Variants in NELL1 observed in about 807,000 individuals in gnomAD.
The protein encoded by NELL1 is protein kinase C-binding protein NELL1.
A neutral mutation model predicts 107.4 loss-of-function variants in NELL1; 76 were observed. That is an observed-to-expected ratio of 0.71 (90% confidence interval 0.59 to 0.86). The LOEUF (loss-of-function observed/expected upper bound fraction) is 0.86, where lower values mean the gene tolerates loss of function less well. Ranked by LOEUF, NELL1 falls within the 40% of genes least tolerant of loss-of-function variation. The probability of loss-of-function intolerance (pLI) is 0.00; values close to 1 mark genes in which losing one functional copy is unlikely to be tolerated. For missense variants in NELL1, 1,024 were observed against 1,005.5 expected (o/e 1.02, Z -0.25); for synonymous variants, 353 against 341.2 (o/e 1.03, Z -0.38).
chr11:20,930,102 A>C (rs1388212691), intron 9 of NELL1, among the ~76,000 whole-genome samples: 1 of 152,110 alleles, frequency 6.6e-6, no homozygotes, highest in African/African-American at 2.4e-5. Flanking sequence ...TTGGACATGG[A>C]AGTAATGAGT....
In NELL1 at chr11:21,274,717, A is replaced by G. The variant is rs562119477; in HGVS notation, c.1549+45263A>G. The stretch of plus-strand genomic sequence containing the variant: ...AAACTGTCTCTCAGGCCACAGTGCA[A>G]TCAAACTAGAACTCAGGATTAAGAA... On this transcript the variant is annotated intron_variant, in intron 14 of 19. Coordinates refer to ENST00000357134, the MANE Select transcript of NELL1 (RefSeq NM_006157.5). Among the ~76,000 whole-genome samples the G allele has an allele frequency of 3.9e-5, 6 of 152,316 alleles. No homozygotes were observed. The East Asian group carries it at 1.2e-3, about 29-fold the overall frequency.
intron 14 of NELL1, among the ~76,000 whole-genome samples, chr11:21,313,118 T>C (rs11026017): frequency 0.24 from 36,240 of 151,888 alleles, 5,324 homozygotes; most frequent in Middle Eastern, 0.39. Context: ...AGATCCCTTG[T>C]CAGCTGTCAT....
chr11:21,132,846 T>C (rs1855655170), intron 13 of NELL1, among the ~76,000 whole-genome samples: 1 of 152,154 alleles, frequency 6.6e-6, no homozygotes, highest in South Asian at 2.1e-4. Context: ...GCTCTTTCAG[T>C]CCTGCCATTT....
chr11:21,559,162 T>C (rs1435653700), intron 16 of NELL1, among the ~76,000 whole-genome samples: 3 of 152,144 alleles, frequency 2.0e-5, no homozygotes, highest in African/African-American at 4.8e-5. Context: ...CTGCTTTGTA[T>C]TGCACCATGT....
chr11:21,344,600 G>A (rs147914080), intron 14 of NELL1, among the ~76,000 whole-genome samples: 3 of 152,148 alleles, frequency 2.0e-5, no homozygotes, highest in East Asian at 3.9e-4. Flanking sequence ...TTGTAAGTCT[G>A]GGATAGATGG....
intron 14 of NELL1, among the ~76,000 whole-genome samples, chr11:21,295,681 G>T (rs998884686): frequency 3.9e-5 from 6 of 151,974 alleles, no homozygotes; most frequent in Non-Finnish European, 8.8e-5. Flanking sequence ...GACATTTTTT[G>T]AAGGGAGGCA....
intron 12 of NELL1, among the ~76,000 whole-genome samples, chr11:21,021,238 T>G (rs944130717): frequency 6.7e-6 from 1 of 149,158 alleles, no homozygotes; most frequent in Non-Finnish European, 1.5e-5. Flanking sequence ...CTGCATACTC[T>G]GAATGCAACA....
chr11:21,026,486 G>A (rs141083939), intron 12 of NELL1, among the ~76,000 whole-genome samples: 4 of 152,074 alleles, frequency 2.6e-5, no homozygotes, highest in East Asian at 3.9e-4. Flanking sequence ...ATTCCCATTC[G>A]CCATCCCCCT....
At chr11:20,925,174 T>C (rs1303351587) in intron 7 of NELL1, among the ~76,000 whole-genome samples, 3 of 152,148 alleles carry the variant, frequency 2.0e-5, no homozygotes, top group Non-Finnish European at 4.4e-5. Flanking sequence ...TGTCCAAGAG[T>C]ATCACCAAAC....
At chr11:20,881,469 C>T (rs887658362) in intron 4 of NELL1, among the ~76,000 whole-genome samples, 3 of 152,178 alleles carry the variant, frequency 2.0e-5, no homozygotes, top group African/African-American at 7.2e-5. Flanking sequence ...TCACAAGCTG[C>T]TTAACCAAGG....
chr11:21,055,496 T>C (rs1242293722), intron 12 of NELL1, among the ~76,000 whole-genome samples: 1 of 152,196 alleles, frequency 6.6e-6, no homozygotes, highest in Non-Finnish European at 1.5e-5. Context: ...GAAGCTTATT[T>C]TCTTTTTATA....
At chr11:21,451,779 A>G (rs1269027593) in intron 15 of NELL1, among the ~76,000 whole-genome samples, 2 of 152,320 alleles carry the variant, frequency 1.3e-5, no homozygotes, top group East Asian at 3.9e-4. Context: ...CCTATGAAAT[A>G]AAATTATTCT....
intron 12 of NELL1, among the ~76,000 whole-genome samples, chr11:21,073,610 C>G (rs1854067360): frequency 6.6e-6 from 1 of 152,124 alleles, no homozygotes; most frequent in African/African-American, 2.4e-5. Context: ...TCAAAGACTA[C>G]TTGGTGGGGT....
intron 12 of NELL1, among the ~76,000 whole-genome samples, chr11:20,969,016 T>C (rs1851441233): frequency 2.6e-5 from 4 of 152,202 alleles, no homozygotes; most frequent in Admixed American, 2.6e-4. Flanking sequence ...CTTTTCCAGT[T>C]ATTTAATGAA....
chr11:21,395,850 T>C (rs1851967722), intron 15 of NELL1, among the ~76,000 whole-genome samples: 1 of 150,318 alleles, frequency 6.7e-6, no homozygotes, highest in South Asian at 2.1e-4. Flanking sequence ...AAAAGCAACA[T>C]CAATCCAAAA....
intron 15 of NELL1, among the ~76,000 whole-genome samples, chr11:21,377,225 G>T (rs1305237173): frequency 6.6e-6 from 1 of 151,924 alleles, no homozygotes; most frequent in Non-Finnish European, 1.5e-5. Flanking sequence ...TTCCTACAAT[G>T]GCTAGTCTGT....
chr11:20,990,379 A>G (rs569201715), intron 12 of NELL1, among the ~76,000 whole-genome samples: 28 of 152,284 alleles, frequency 1.8e-4, no homozygotes, highest in Middle Eastern at 3.4e-3. Flanking sequence ...TGGCCTTGGC[A>G]AAGTGGCTCA....
intron 12 of NELL1, among the ~76,000 whole-genome samples, chr11:20,965,190 AT>A (rs1457842533): frequency 2.0e-5 from 3 of 152,134 alleles, no homozygotes; most frequent in Non-Finnish European, 2.9e-5. Context: ...CAAGCAACAG[AT>A]TTTTTACAGA....
chr11:21,285,064 G>A (rs1849085501), intron 14 of NELL1: 1 of 154,654 alleles, frequency 6.5e-6, no homozygotes, highest in East Asian at 1.9e-4. Flanking sequence ...GACTCCACAA[G>A]AAACCAGCTT....
Sources: gnomAD v4.1 joint callset for allele counts (sites outside exome capture counted in the v4.1 genomes callset) on GRCh38, gnomAD v4.1.1 for gene constraint, MANE v1.5 for transcripts, NCBI Gene and HGNC (gene_info 2026-07-23, HGNC 2026-07-21) for gene names.